Variants in OR56A3 observed in about 807,000 individuals in gnomAD.
The protein encoded by OR56A3 is olfactory receptor family 56 subfamily A member 3.
In OR56A3, 23 loss-of-function variants were observed where a neutral mutation model predicts 17.5. The observed-to-expected ratio is 1.32, with a 90% CI of 0.95 to 1.87. The LOEUF is 1.87. Ranked by LOEUF, OR56A3 falls within the 40% of genes most tolerant of loss-of-function variation. The pLI is 0.00. For missense variants in OR56A3, 366 were observed against 380.1 expected (o/e 0.96, Z 0.31); for synonymous variants, 175 against 150.6 (o/e 1.16, Z -1.19).
the OR56A3 span, among the ~76,000 whole-genome samples, chr11:5,998,138 T>C: frequency 6.6e-6 from 1 of 152,178 alleles, no homozygotes. Flanking sequence ...TTGCAGACAA[T>C]GGTGCATAAC....
the OR56A3 span, chr11:5,994,968 C>A: frequency 9.8e-6 from 7 of 713,478 alleles, no homozygotes; most frequent in Non-Finnish European, 1.3e-5. Flanking sequence ...GCCATCCCTG[C>A]AGCCAGGCGC....
chr11:5,989,621 A>G, the OR56A3 span, among the ~76,000 whole-genome samples: 2 of 152,106 alleles, frequency 1.3e-5, no homozygotes, highest in African/African-American at 4.8e-5. Context: ...TTTCTGACTC[A>G]GAGTAGGGGA....
chr11:5,959,862 G>C, the OR56A3 span, among the ~76,000 whole-genome samples: 2 of 152,042 alleles, frequency 1.3e-5, no homozygotes, highest in African/African-American at 4.8e-5. Flanking sequence ...AGAGATAAGG[G>C]TCTAATTTGA....
chr11:5,971,028 C>A, the OR56A3 span, among the ~76,000 whole-genome samples: 1 of 152,158 alleles, frequency 6.6e-6, no homozygotes, highest in African/African-American at 2.4e-5. Context: ...CGAGGAGAAG[C>A]TCAAGATAAT....
the OR56A3 span, chr11:6,002,636 C>T: frequency 6.2e-7 from 1 of 1,614,214 alleles, no homozygotes; most frequent in Non-Finnish European, 8.5e-7. Flanking sequence ...AGGCCATGAC[C>T]ATGAACGTGC....
At chr11:5,955,982 A>G (rs1847930358), downstream of OR56A3, among the ~76,000 whole-genome samples, 1 of 152,186 alleles carries the variant, frequency 6.6e-6, no homozygotes, top group South Asian at 2.1e-4. Context: ...CCTCACTTTT[A>G]TTATTATTTT....
the OR56A3 span, among the ~76,000 whole-genome samples, chr11:5,970,984 CA>C: frequency 6.6e-6 from 1 of 152,012 alleles, no homozygotes; most frequent in Non-Finnish European, 1.5e-5. Context: ...ACCAAAGAAA[CA>C]AAGGGAACTG....
chr11:6,021,147 T>G, the OR56A3 span: 1 of 152,068 alleles, frequency 6.6e-6, no homozygotes, highest in African/African-American at 2.4e-5. Context: ...CCTTTGAGTG[T>G]GATCACTAGC....
At position 5,947,918 on chromosome 11, in the gene OR56A3, T is replaced by A. The variant is rs1276301336; in HGVS notation, c.572T>A (p.Leu191His). The A allele has an allele frequency of 1.2e-6, 2 of 1,614,214 alleles. No homozygotes were observed. The highest frequency in any genetic ancestry group is 1.1e-5 in the South Asian group (1 of 91,090). ...CICANMSVSR[L>H]SCDDVTINHL... ...TGTGCCAATATGTCTGTTTCCAGAC[T>A]CTCCTGCGATGATGTCACCATCAAT... is the stretch of plus-strand genomic sequence containing the variant. The change falls in exon 3 of 3, where the codon CTC becomes CAC. Residue 191 changes from leucine to histidine, a missense_variant. Coordinates refer to ENST00000641160, the MANE Select transcript of OR56A3 (RefSeq NM_001003443.3).
the OR56A3 span, chr11:5,985,943 A>C: frequency 6.2e-7 from 1 of 1,602,358 alleles, no homozygotes; most frequent in Non-Finnish European, 8.5e-7. Flanking sequence ...TGTTCAGATC[A>C]ATCCTTTTGT....
chr11:5,948,989 T>C lies in OR56A3; in HGVS notation c.*695T>C, dbSNP rs1254300129. 6.6e-6 allele frequency: 1 copy of C among 152,250 alleles called. No homozygotes were observed. Among genetic ancestry groups the C allele is most frequent in the Non-Finnish European group, 1.5e-5 (1 of 68,058 alleles). The allele number at this position is 152,250 out of a possible 1,614,324, so 9.4% of individuals were successfully genotyped here. ...GAGATTCTTGAATCCTCTTCCCCAA[T>C]GTGTCTGTGCTTAGAACATTTATCT... On this transcript the variant is annotated 3_prime_UTR_variant, in exon 3 of 3. Coordinates refer to ENST00000641160, the MANE Select transcript of OR56A3 (RefSeq NM_001003443.3).
chr11:5,978,134 A>G, the OR56A3 span, among the ~76,000 whole-genome samples: 5 of 152,142 alleles, frequency 3.3e-5, no homozygotes, highest in African/African-American at 1.2e-4. Flanking sequence ...GAAGTTGGGT[A>G]ATGTAATGTT....
the OR56A3 span, among the ~76,000 whole-genome samples, chr11:6,017,907 G>A: frequency 2.0e-4 from 31 of 152,204 alleles, 1 homozygote; most frequent in African/African-American, 7.2e-4. Flanking sequence ...GTGGACGGGA[G>A]TAACTATACT....
At chr11:6,018,848 A>T in the OR56A3 span, among the ~76,000 whole-genome samples, 2 of 152,214 alleles carry the variant, frequency 1.3e-5, no homozygotes, top group South Asian at 4.1e-4. Flanking sequence ...AGAAGATATT[A>T]CAACTGATAC....
the OR56A3 span, among the ~76,000 whole-genome samples, chr11:6,016,730 G>A: frequency 1.3e-5 from 2 of 150,316 alleles, no homozygotes; most frequent in African/African-American, 4.9e-5. Flanking sequence ...AGTTCAGTGA[G>A]ATACAAGAGA....
chr11:5,987,857 C>G, the OR56A3 span, among the ~76,000 whole-genome samples: 6 of 152,164 alleles, frequency 3.9e-5, no homozygotes. Flanking sequence ...GCCATAAACA[C>G]CTTCCCAATT....
chr11:5,955,758 A>G (rs999561406), downstream of OR56A3, among the ~76,000 whole-genome samples: 1 of 152,140 alleles, frequency 6.6e-6, no homozygotes, highest in Non-Finnish European at 1.5e-5. Context: ...TTCACTCTTC[A>G]TTTTTATTAA....
At chr11:5,967,005 T>C in the OR56A3 span, among the ~76,000 whole-genome samples, 15 of 151,112 alleles carry the variant, frequency 9.9e-5, no homozygotes, top group East Asian at 2.9e-3. Context: ...TAGCATTAGA[T>C]AAAAATATTA....
At chr11:5,980,150 A>G in the OR56A3 span, among the ~76,000 whole-genome samples, 1 of 152,126 alleles carries the variant, frequency 6.6e-6, no homozygotes, top group African/African-American at 2.4e-5. Context: ...GAGTAGCAGA[A>G]TGTATACTCT....
Sources: gnomAD v4.1 joint callset for allele counts (sites outside exome capture counted in the v4.1 genomes callset) on GRCh38, gnomAD v4.1.1 for gene constraint, MANE v1.5 for transcripts, NCBI Gene and HGNC (gene_info 2026-07-23, HGNC 2026-07-21) for gene names.